The following LRRCC1 variants were observed in gnomAD, a reference collection of about 807,000 sequenced individuals.
The protein encoded by LRRCC1 is leucine rich repeat and coiled-coil centrosomal protein 1.
LRRCC1 carries 115 observed loss-of-function variants against 126.0 expected under a neutral mutation model. The ratio of observed to expected loss-of-function variants is 0.91; its 90% confidence interval spans 0.78 to 1.07. The LOEUF (loss-of-function observed/expected upper bound fraction) is 1.07. Ranked by LOEUF, LRRCC1 falls within the 50% of genes least tolerant of loss-of-function variation. The pLI is 0.00. For missense variants in LRRCC1, 1,172 were observed against 1,175.7 expected, an observed-to-expected ratio of 1.00 and a Z score of 0.05; for synonymous variants, 400 against 393.4, an observed-to-expected ratio of 1.02 and a Z score of -0.20.
chr8:85,132,101 T>G (rs1810513861), intron 12 of LRRCC1, 140 bp downstream of exon 12: 70 of 641,380 alleles, frequency 1.1e-4, no homozygotes, highest in Non-Finnish European at 1.4e-4. Flanking sequence ...TTAGAGGCCT[T>G]AGTTTCCTCA....
intron 8 of LRRCC1, among the ~76,000 whole-genome samples, chr8:85,125,668 G>A (rs1487328962): frequency 3.5e-4 from 4 of 11,364 alleles, no homozygotes; most frequent in African/African-American, 1.8e-3. Flanking sequence ...GCGAGACTCC[G>A]TCAAAAAAAA....
chr8:85,117,313 T>C (rs1809200657), intron 6 of LRRCC1, among the ~76,000 whole-genome samples: 1 of 152,210 alleles, frequency 6.6e-6, no homozygotes, highest in Admixed American at 6.5e-5. Flanking sequence ...TTCTCACTTA[T>C]GGTGCTAGTT....
intron 7 of LRRCC1, among the ~76,000 whole-genome samples, chr8:85,123,943 A>T (rs941127562): frequency 6.6e-6 from 1 of 152,166 alleles, no homozygotes; most frequent in African/African-American, 2.4e-5. Context: ...TGAACTAATA[A>T]CATTAGTTCA....
intron 18 of LRRCC1, 74 bp from the exon 19 acceptor site, chr8:85,145,314 CT>C: frequency 8.5e-7 from 1 of 1,182,132 alleles, no homozygotes; most frequent in Admixed American, 3.4e-5. Flanking sequence ...AATTTTGGAC[CT>C]TTTCTTTCAG....
Position 85,107,371 on chromosome 8 carries a change from G to A in LRRCC1, c.76G>A (p.Val26Ile), listed in dbSNP as rs1224235945. 6.2e-7 allele frequency: 1 copy of A among 1,613,848 alleles called. No individual in the cohort carries two copies. ...AGACGGCGACAGCAGCTGCGGGGAT[G>A]TATGCTTCATGGACAAAGGCTTGCA... The part of the protein sequence containing the change: ...NEDGDSSCGD[V>I]CFMDKGLQSI... Residue 26 changes from valine (V) to isoleucine (I), a missense_variant, in exon 1 of 19, where the codon GTA becomes ATA. Transcript: ENST00000360375.
chr8:85,119,886 C>T (rs1480695420), intron 6 of LRRCC1, among the ~76,000 whole-genome samples: 1 of 152,230 alleles, frequency 6.6e-6, no homozygotes, highest in East Asian at 1.9e-4. Flanking sequence ...CCTCTGAGCA[C>T]TGCTTTAGCT....
rs1281439172 is a variant in LRRCC1, at chr8:85,123,597, CTT to C, written c.1118_1119del (p.Phe373CysfsTer4). 8 of 1,572,926 alleles carry C rather than the reference CTT, an allele frequency of 5.1e-6. No homozygotes were observed. The highest frequency in any genetic ancestry group is 6.9e-6 in the Non-Finnish European group (8 of 1,166,982). ...AAGCACCACAATAAAAACTACAACT[CTT>C]TTGTAAGGTACTTGTTTTAGTTTTA... On this transcript the variant is annotated frameshift_variant, in exon 7 of 19. Coordinates refer to ENST00000360375, the MANE Select transcript of LRRCC1 (RefSeq NM_033402.5). LOFTEE classifies it high-confidence loss of function.
chr8:85,124,610 A>G (rs1809825340), intron 7 of LRRCC1, among the ~76,000 whole-genome samples, 182 bp from the exon 8 acceptor site: 1 of 152,082 alleles, frequency 6.6e-6, no homozygotes, highest in South Asian at 2.1e-4. Context: ...ATCTTAAGGC[A>G]CTCATTAATC....
intron 8 of LRRCC1, among the ~76,000 whole-genome samples, chr8:85,126,127 T>C (rs1303279800): frequency 6.6e-6 from 1 of 152,052 alleles, no homozygotes; most frequent in Non-Finnish European, 1.5e-5. Flanking sequence ...GGCATGTGGG[T>C]GCCATGCTAT....
Position 85,113,013 on chromosome 8 carries a change from T to C in LRRCC1, c.458T>C (p.Leu153Ser), listed in dbSNP as rs1808844561. The part of the protein sequence containing the change: ...HSNRIDSIHH[L>S]LQCMVGLHFL... Reference sequence around the variant, plus strand: ...AATCGTATAGATAGTATCCATCACTTACTTCAGTGTATGGTAGGATTGCAC... The same window carrying C: ...AATCGTATAGATAGTATCCATCACTCACTTCAGTGTATGGTAGGATTGCAC... The change falls in exon 4 of 19, where the codon TTA (leucine) becomes TCA (serine). Residue 153 changes from leucine (L) to serine (S), a missense_variant. By Grantham distance (145) the Leu-to-Ser change is moderately radical (BLOSUM62 -2). Coordinates refer to ENST00000360375, the MANE Select transcript of LRRCC1 (RefSeq NM_033402.5). 2 of 1,608,342 alleles carry C rather than the reference T, an allele frequency of 1.2e-6. No homozygotes were observed. Among genetic ancestry groups the C allele is most frequent in the African/African-American group, 2.7e-5 (2 of 74,822 alleles).
chr8:85,120,739 C>T (rs1473843738), intron 6 of LRRCC1, among the ~76,000 whole-genome samples: 1 of 152,114 alleles, frequency 6.6e-6, no homozygotes, highest in African/African-American at 2.4e-5. Flanking sequence ...TTTCACTTAG[C>T]ATAATATTTT....
intron 4 of LRRCC1, among the ~76,000 whole-genome samples, chr8:85,113,749 G>T (rs1808901052): frequency 6.6e-6 from 1 of 151,996 alleles, no homozygotes; most frequent in African/African-American, 2.4e-5. Context: ...ATTAATAAAT[G>T]ATTTTGTTTT....
At chr8:85,144,440 G>GTA (rs1280182264) in intron 18 of LRRCC1, among the ~76,000 whole-genome samples, 104 of 37,198 alleles carry the variant, frequency 2.8e-3, no homozygotes, top group African/African-American at 7.5e-3. Flanking sequence ...GTGTGTGTGT[G>GTA]TGTGTATATA....
chr8:85,132,272 C>A (rs1419621591), intron 12 of LRRCC1, among the ~76,000 whole-genome samples: 1 of 151,980 alleles, frequency 6.6e-6, no homozygotes. Context: ...GGCCCACTGC[C>A]TATTTCTCTT....
Position 85,138,054 on chromosome 8 carries a change from A to T in LRRCC1, c.2513A>T (p.Glu838Val). The T allele has an allele frequency of 6.4e-7, 1 of 1,567,404 alleles. No individual in the cohort carries two copies. The change falls in exon 16 of 19, where the codon GAA (glutamate) becomes GTA (valine). Residue 838 changes from glutamate to valine, a missense_variant. Coordinates refer to ENST00000360375, the MANE Select transcript of LRRCC1 (RefSeq NM_033402.5). ...TTAAAGTGTTTACAAGAAAAAGATG[A>T]ACACATCAAAAGATTACAAGAAAAG... ...KLKDCLQEKDEHIKRLQEKIT... is the reference protein window; with the variant it reads ...KLKDCLQEKDVHIKRLQEKIT...
intron 3 of LRRCC1, 116 bp from the exon 4 acceptor site, chr8:85,112,816 C>A: frequency 1.7e-6 from 1 of 600,930 alleles, no homozygotes; most frequent in Non-Finnish European, 2.7e-6. Context: ...CTGTTCACAG[C>A]AAGATCTAAT....
intron 7 of LRRCC1, 80 bp downstream of exon 7, chr8:85,123,686 A>G: frequency 9.2e-7 from 1 of 1,083,316 alleles, no homozygotes. Flanking sequence ...TCTCTTGGTG[A>G]TATTTGTTAC....
In LRRCC1 at chr8:85,138,257, C is replaced by G; in HGVS notation, c.2702+14C>G. On this transcript the variant is annotated intron_variant, in intron 16 of 18. Coordinates refer to ENST00000360375, the MANE Select transcript of LRRCC1 (RefSeq NM_033402.5). ...AAAAGCTTACAGGTATTATATAGTA[C>G]AGTATTTCCCACTGAGAAATAAAAT... 6 of 1,575,084 alleles carry G rather than the reference C, an allele frequency of 3.8e-6. No individual in the cohort carries two copies. The highest frequency in any genetic ancestry group is 5.2e-6 in the Non-Finnish European group (6 of 1,159,902).
Position 85,135,942 on chromosome 8 carries a change from G to T in LRRCC1, c.2308G>T (p.Gly770Ter). The T allele has an allele frequency of 1.3e-6, 2 of 1,575,572 alleles. No homozygotes were observed. The highest frequency in any genetic ancestry group is 1.7e-6 in the Non-Finnish European group (2 of 1,162,268). The stretch of plus-strand genomic sequence containing the variant: ...TTTAAGGACAGAAAGAAAAGTATGG[G>T]GACATGAGCTGGCACAACAAGGTAA... ...FGLRTERKVW[G>*]HELAQQGSSL... The change falls in exon 14 of 19, where the codon GGA becomes TGA. Residue 770 changes from glycine (G) to a stop codon, truncating the protein, a stop_gained. Transcript: ENST00000360375. LOFTEE classifies it high-confidence loss of function.
Sources: gnomAD v4.1 joint callset for allele counts (sites outside exome capture counted in the v4.1 genomes callset) on GRCh38, gnomAD v4.1.1 for gene constraint, MANE v1.5 for transcripts, NCBI Gene and HGNC (gene_info 2026-07-23, HGNC 2026-07-21) for gene names.